Variants in CREB5 observed in about 807,000 individuals in gnomAD.
CREB5 encodes cyclic AMP-responsive element-binding protein 5.
Under a neutral mutation model 57.1 loss-of-function variants are expected in CREB5, and 19 were observed. The ratio of observed to expected loss-of-function variants is 0.33; its 90% confidence interval spans 0.23 to 0.49. CREB5 has a LOEUF of 0.49. Among genes scored for constraint, CREB5 ranks in the 20% least tolerant of loss-of-function variants. The pLI, the probability that CREB5 is intolerant of heterozygous loss-of-function variation, is 0.99. For missense variants in CREB5, 579 were observed against 671.6 expected (o/e 0.86, Z 1.52); for synonymous variants, 238 against 238.3 (o/e 1.00, Z 0.01).
intron 1 of CREB5, among the ~76,000 whole-genome samples, chr7:28,390,130 A>C (rs932252739): frequency 1.3e-5 from 2 of 152,096 alleles, no homozygotes; most frequent in African/African-American, 4.8e-5. Context: ...TTAAATGAGA[A>C]CATAACCATC....
intron 1 of CREB5, among the ~76,000 whole-genome samples, chr7:28,325,395 C>T (rs998900994): frequency 2.0e-5 from 3 of 151,174 alleles, no homozygotes; most frequent in Admixed American, 2.0e-4. Context: ...GCAGAGCTTG[C>T]AGTGAGCCAA....
chr7:28,415,087 A>G (rs1191807337), intron 1 of CREB5, among the ~76,000 whole-genome samples: 2 of 152,088 alleles, frequency 1.3e-5, no homozygotes, highest in Non-Finnish European at 2.9e-5. Flanking sequence ...TTAAGGTTAC[A>G]TTTCTGATCT....
chr7:28,464,152 GC>G (rs1044470980), intron 1 of CREB5, among the ~76,000 whole-genome samples: 18 of 152,126 alleles, frequency 1.2e-4, no homozygotes, highest in African/African-American at 3.9e-4. Context: ...CAGATACTAA[GC>G]CAACATTGTA....
At chr7:28,391,201 T>C (rs926789376) in intron 1 of CREB5, among the ~76,000 whole-genome samples, 2 of 152,204 alleles carry the variant, frequency 1.3e-5, no homozygotes, top group Non-Finnish European at 2.9e-5. Context: ...CATAATTTTA[T>C]CAAAATTTTT....
At chr7:28,775,158 G>A (rs936601046) in intron 7 of CREB5, among the ~76,000 whole-genome samples, 6 of 152,122 alleles carry the variant, frequency 3.9e-5, no homozygotes, top group Non-Finnish European at 8.8e-5. Context: ...AAAGAAACCT[G>A]TGGTCCCTAA....
At chr7:28,360,576 A>T (rs1224351642) in intron 1 of CREB5, among the ~76,000 whole-genome samples, 1 of 152,184 alleles carries the variant, frequency 6.6e-6, no homozygotes, top group African/African-American at 2.4e-5. Context: ...AGTGGGGGAA[A>T]TAGGGAGATG....
At chr7:28,817,638 T>C (rs1809514158) in intron 9 of CREB5, among the ~76,000 whole-genome samples, 1 of 152,142 alleles carries the variant, frequency 6.6e-6, no homozygotes, top group South Asian at 2.1e-4. Context: ...ATGTGCTGGG[T>C]ATTGTTCTGT....
chr7:28,450,830 G>C (rs1789760584), intron 1 of CREB5, among the ~76,000 whole-genome samples: 1 of 152,124 alleles, frequency 6.6e-6, no homozygotes, highest in South Asian at 2.1e-4. Context: ...TGATGTGATC[G>C]GGTGTTTGGA....
chr7:28,554,463 C>T (rs1335698865), intron 4 of CREB5, among the ~76,000 whole-genome samples: 1 of 152,218 alleles, frequency 6.6e-6, no homozygotes, highest in African/African-American at 2.4e-5. Flanking sequence ...ATCTGAATTC[C>T]TGTTTCTGTT....
intron 5 of CREB5, among the ~76,000 whole-genome samples, chr7:28,653,180 T>A (rs927052713): frequency 3.9e-5 from 6 of 152,220 alleles, no homozygotes; most frequent in Non-Finnish European, 8.8e-5. Context: ...CCAACTCTTA[T>A]TCTGGAAGAG....
intron 1 of CREB5, among the ~76,000 whole-genome samples, chr7:28,300,777 G>T (rs1233602662): frequency 2.0e-5 from 3 of 152,106 alleles, no homozygotes. Flanking sequence ...TATCAAACTT[G>T]GCTGCACATT....
At chr7:28,432,297 A>G (rs1364567470) in intron 1 of CREB5, among the ~76,000 whole-genome samples, 1 of 152,200 alleles carries the variant, frequency 6.6e-6, no homozygotes, top group African/African-American at 2.4e-5. Context: ...AAATTCATTC[A>G]GAAAAACACC....
intron 7 of CREB5, among the ~76,000 whole-genome samples, chr7:28,768,612 G>A (rs1806134803): frequency 6.6e-6 from 1 of 152,172 alleles, no homozygotes; most frequent in Non-Finnish European, 1.5e-5. Flanking sequence ...ACCTTTTGAA[G>A]GTACTGTGTG....
chr7:28,605,885 C>T (rs1053559276), intron 5 of CREB5, among the ~76,000 whole-genome samples: 2 of 152,110 alleles, frequency 1.3e-5, no homozygotes, highest in East Asian at 3.9e-4. Context: ...GGACTGGCTG[C>T]CAAAAGGCAG....
At chr7:28,662,724 T>C (rs901352460) in intron 5 of CREB5, among the ~76,000 whole-genome samples, 3 of 152,136 alleles carry the variant, frequency 2.0e-5, no homozygotes, top group Non-Finnish European at 2.9e-5. Context: ...CCAGGAAGGA[T>C]AAGAAAGGGC....
At chr7:28,448,204 C>A (rs111644171) in intron 1 of CREB5, among the ~76,000 whole-genome samples, 8 of 152,336 alleles carry the variant, frequency 5.3e-5, no homozygotes, top group African/African-American at 1.7e-4. Flanking sequence ...GAACATCAGA[C>A]TCCAAGTTCT....
chr7:28,576,258 A>G (rs1795905402), intron 5 of CREB5, among the ~76,000 whole-genome samples: 1 of 152,230 alleles, frequency 6.6e-6, no homozygotes, highest in Admixed American at 6.5e-5. Context: ...AGAGAAAGGA[A>G]GCTAATATTT....
At chr7:28,353,644 C>T (rs1490225991) in intron 1 of CREB5, among the ~76,000 whole-genome samples, 1 of 151,914 alleles carries the variant, frequency 6.6e-6, no homozygotes, top group Admixed American at 6.6e-5. Flanking sequence ...GAGGTCGAGA[C>T]CATCCTGGCT....
intron 1 of CREB5, among the ~76,000 whole-genome samples, chr7:28,483,410 A>T (rs760690331): frequency 1.3e-5 from 2 of 152,228 alleles, no homozygotes; most frequent in Non-Finnish European, 2.9e-5. Flanking sequence ...TTTGTCAACC[A>T]TGAAAAACCT....
Sources: gnomAD v4.1 joint callset for allele counts (sites outside exome capture counted in the v4.1 genomes callset) on GRCh38, gnomAD v4.1.1 for gene constraint, MANE v1.5 for transcripts, NCBI Gene and HGNC (gene_info 2026-07-23, HGNC 2026-07-21) for gene names.